Variants in SLC25A48 observed in about 807,000 individuals in gnomAD.
SLC25A48 encodes the protein solute carrier family 25 member 48.
In SLC25A48, 29 loss-of-function variants were observed where a neutral mutation model predicts 32.2. That is an observed-to-expected ratio of 0.90 (90% CI 0.67 to 1.23). SLC25A48 has a LOEUF of 1.23. Ranked by LOEUF, SLC25A48 falls within the 50% of genes most tolerant of loss-of-function variation. SLC25A48 has a pLI of 0.00. For missense variants in SLC25A48, 399 were observed against 422.7 expected, an observed-to-expected ratio of 0.94 and a Z score of 0.49; for synonymous variants, 164 against 172.3, an observed-to-expected ratio of 0.95 and a Z score of 0.38.
intron 3 of SLC25A48, among the ~76,000 whole-genome samples, chr5:135,811,346 A>G (rs978415197): frequency 1.3e-5 from 2 of 152,212 alleles, no homozygotes; most frequent in African/African-American, 2.4e-5. Context: ...ATGATCTCAC[A>G]TATATGTGGA....
In SLC25A48 at chr5:135,755,186, G is replaced by A. The variant is rs894601981; in HGVS notation, c.-520-57337G>A. Among the ~76,000 whole-genome samples, 15 of 151,976 alleles carry A rather than the reference G, an allele frequency of 9.9e-5. No individual in the cohort carries two copies. In the Middle Eastern group the frequency reaches 0.01, roughly 103 times the overall value. ...CACACTGTGATATTAATGAAATATC[G>A]CTCTGATATTGATAATATCCAGTTA... On this transcript the variant is annotated intron_variant, in intron 3 of 10. Transcript: ENST00000646290.
At position 135,605,284 on chromosome 5, in the gene SLC25A48, A is replaced by G. The variant is rs543799664; in HGVS notation, c.-848-23953A>G. 2.0e-5 allele frequency among the ~76,000 whole-genome samples: 3 copies of G among 152,370 alleles called. No individual in the cohort carries two copies. The South Asian group carries it at 6.2e-4, about 32-fold the overall frequency. ...ATGCTGGCCTCCAGCCCCTATTCCC[A>G]TTATGAGATTGGTTCTAAATGATGA... On this transcript the variant is annotated intron_variant, in intron 1 of 10. Transcript: ENST00000646290.
chr5:135,873,604 G>T (rs555442683), intron 5 of SLC25A48, among the ~76,000 whole-genome samples: 76 of 152,234 alleles, frequency 5.0e-4, no homozygotes, highest in Admixed American at 9.8e-4. Flanking sequence ...CTCACCCTGG[G>T]CTCTCTTCTG....
intron 3 of SLC25A48, among the ~76,000 whole-genome samples, chr5:135,722,726 A>G (rs938941481): frequency 6.6e-6 from 1 of 152,246 alleles, no homozygotes; most frequent in Non-Finnish European, 1.5e-5. Flanking sequence ...GTGAGGTCTC[A>G]TGATTGAAAC....
intron 3 of SLC25A48, among the ~76,000 whole-genome samples, chr5:135,647,414 C>T (rs1752989150): frequency 1.3e-5 from 2 of 152,170 alleles, no homozygotes; most frequent in African/African-American, 4.8e-5. Context: ...AAGCACAGCA[C>T]AGTCATGCAT....
At chr5:135,813,724 C>A (rs780176140) in intron 4 of SLC25A48, among the ~76,000 whole-genome samples, 5 of 152,164 alleles carry the variant, frequency 3.3e-5, no homozygotes, top group Admixed American at 6.5e-5. Flanking sequence ...GAAAATTAAA[C>A]ACAACATCAA....
At chr5:135,840,802 TATTCATACACCAGTTGATGGGC>T (rs1446061821) in intron 1 of SLC25A48, among the ~76,000 whole-genome samples, 1 of 152,240 alleles carries the variant, frequency 6.6e-6, no homozygotes. Context: ...ACATTTTGTT[TATTCATACACCAGTTGATGGGC>T]ATTCATACAC....
intron 3 of SLC25A48, among the ~76,000 whole-genome samples, chr5:135,766,358 G>A (rs1472542653): frequency 6.6e-6 from 1 of 151,558 alleles, no homozygotes; most frequent in Non-Finnish European, 1.5e-5. Context: ...ATATCAAGGG[G>A]GGGGGAAGAA....
chr5:135,774,620 G>A (rs546638349), intron 3 of SLC25A48, among the ~76,000 whole-genome samples: 11 of 151,846 alleles, frequency 7.2e-5, no homozygotes, highest in South Asian at 4.2e-4. Context: ...ATTATCCAGA[G>A]GGAAAGATGA....
At chr5:135,864,190 A>C (rs541751165) in intron 4 of SLC25A48, among the ~76,000 whole-genome samples, 3 of 152,296 alleles carry the variant, frequency 2.0e-5, no homozygotes, top group African/African-American at 4.8e-5. Context: ...TGGTGACAAA[A>C]TAAGGCAAAA....
intron 4 of SLC25A48, among the ~76,000 whole-genome samples, chr5:135,870,711 T>C (rs1761567042): frequency 6.6e-6 from 1 of 152,082 alleles, no homozygotes; most frequent in Non-Finnish European, 1.5e-5. Context: ...TGGTCTCAGT[T>C]GATAACGTTT....
intron 6 of SLC25A48, 33 bp from the exon 7 acceptor site, chr5:135,879,935 A>G (rs1762339046): frequency 6.5e-7 from 1 of 1,535,470 alleles, no homozygotes; most frequent in Middle Eastern, 1.7e-4. Context: ...AGTGTGGGTC[A>G]GTCCCCTGCA....
chr5:135,850,301 C>A, intron 2 of SLC25A48, 124 bp from the exon 3 acceptor site: 1 of 926,546 alleles, frequency 1.1e-6, no homozygotes, highest in Non-Finnish European at 1.7e-6. Context: ...CTGGCCAGGA[C>A]TGAAACCCAG....
chr5:135,835,678 TAAAAAAAAAA>T lies in SLC25A48; in HGVS notation c.46+802_46+811del, dbSNP rs35114794. On this transcript the variant is annotated intron_variant, in intron 1 of 7. Coordinates refer to ENST00000681962, the MANE Select transcript of SLC25A48 (RefSeq NM_001349336.2). ...GAAGTTTGAGGGACTTTGCTAATTG[TAAAAAAAAAA>T]AAAAAAAAAAAAAAAAGTCTTTCTT... is the stretch of plus-strand genomic sequence containing the variant. Among the ~76,000 whole-genome samples, 175 of 70,386 alleles carry T rather than the reference TAAAAAAAAAA, an allele frequency of 2.5e-3. 4 individuals are homozygous for T. Among genetic ancestry groups the T allele is most frequent in the African/African-American group, 9.8e-3 (168 of 17,192 alleles). 46.2% of individuals were successfully genotyped at this position (70,386 alleles called of 152,430 possible).
chr5:135,878,347 G>A (rs890569311), intron 6 of SLC25A48, among the ~76,000 whole-genome samples: 25 of 152,212 alleles, frequency 1.6e-4, no homozygotes, highest in Admixed American at 1.0e-3. Context: ...CACCGGCATG[G>A]AATTTTCCTC....
intron 3 of SLC25A48, among the ~76,000 whole-genome samples, chr5:135,754,270 A>C (rs1409284243): frequency 6.9e-6 from 1 of 145,844 alleles, no homozygotes; most frequent in East Asian, 2.0e-4. Flanking sequence ...ATTATTATGC[A>C]GGATATCATA....
At chr5:135,771,664 A>C (rs1330834612) in intron 3 of SLC25A48, among the ~76,000 whole-genome samples, 1 of 151,310 alleles carries the variant, frequency 6.6e-6, no homozygotes, top group Non-Finnish European at 1.5e-5. Flanking sequence ...ATATTACAGG[A>C]GGAAGAGGGT....
chr5:135,844,167 C>T (rs986521401), intron 2 of SLC25A48, among the ~76,000 whole-genome samples: 3 of 152,178 alleles, frequency 2.0e-5, no homozygotes, highest in African/African-American at 7.2e-5. Flanking sequence ...TAGCCTGTGG[C>T]CTCTGACTCT....
chr5:135,716,608 A>T (rs775426392), intron 3 of SLC25A48, among the ~76,000 whole-genome samples: 9 of 152,172 alleles, frequency 5.9e-5, no homozygotes, highest in Admixed American at 4.6e-4. Flanking sequence ...CCTCTTCAAG[A>T]GGTTTCAGGC....
Sources: gnomAD v4.1 joint callset for allele counts (sites outside exome capture counted in the v4.1 genomes callset) on GRCh38, gnomAD v4.1.1 for gene constraint, MANE v1.5 for transcripts, NCBI Gene and HGNC (gene_info 2026-07-23, HGNC 2026-07-21) for gene names.